The following SEPTIN3 variants were observed in gnomAD, a reference collection of about 807,000 sequenced individuals.
SEPTIN3 encodes the protein neuronal-specific septin-3.
Under a neutral mutation model 45.1 loss-of-function variants are expected in SEPTIN3, and 15 were observed. The ratio of observed to expected loss-of-function variants is 0.33; its 90% CI spans 0.22 to 0.51. The LOEUF (loss-of-function observed/expected upper bound fraction) is 0.51. SEPTIN3 is among the 20% of genes least tolerant of loss of function. SEPTIN3 has a pLI of 0.97. For synonymous variants in SEPTIN3, 148 were observed against 164.8 expected, an observed-to-expected ratio of 0.90 and a Z score of 0.78; for missense variants, 289 against 457.2, an observed-to-expected ratio of 0.63 and a Z score of 3.35.
chr22:41,995,138 T>G (rs1391236141), intron 11 of SEPTIN3: 11 of 1,075,164 alleles, frequency 1.0e-5, no homozygotes, highest in Non-Finnish European at 1.2e-5. Flanking sequence ...CACAGGCAAC[T>G]CTTCTCTCGG....
intron 7 of SEPTIN3, 137 bp downstream of exon 7, chr22:41,989,821 C>A: frequency 1.6e-6 from 1 of 617,910 alleles, no homozygotes; most frequent in East Asian, 2.7e-5. Context: ...CCCCAGCCCC[C>A]TTCTTAACCA....
intron 2 of SEPTIN3, among the ~76,000 whole-genome samples, chr22:41,974,860 GAAAAAAAAAAAA>G (rs55642127): frequency 6.5e-4 from 48 of 74,290 alleles, no homozygotes; most frequent in Non-Finnish European, 9.1e-4. Context: ...GTCTCAAAAA[GAAAAAAAAAAAA>G]AAAAAAAAAA....
intron 3 of SEPTIN3, among the ~76,000 whole-genome samples, chr22:41,985,021 T>A (rs2078182778): frequency 6.6e-6 from 1 of 151,774 alleles, no homozygotes; most frequent in African/African-American, 2.4e-5. Flanking sequence ...CCGGGCTAAT[T>A]TTTTGTATTT....
chr22:41,996,133 C>T (rs976937006), intron 11 of SEPTIN3: 2 of 985,052 alleles, frequency 2.0e-6, no homozygotes, highest in African/African-American at 3.5e-5. Context: ...TTCCCTAATT[C>T]CCTCTCCTCC....
chr22:41,996,370 C>T (rs989343058), intron 11 of SEPTIN3: 2 of 985,604 alleles, frequency 2.0e-6, no homozygotes, highest in Non-Finnish European at 2.4e-6. Flanking sequence ...TAACCTCATA[C>T]AACCTTCTGT....
Position 41,987,644 on chromosome 22 carries a change from A to G in SEPTIN3, c.1930A>G (p.Ile644Val). 3 of 1,612,868 alleles carry G rather than the reference A, an allele frequency of 1.9e-6. No homozygotes were observed. The highest frequency in any genetic ancestry group is 1.3e-5 in the African/African-American group (1 of 75,010). Residue 644 changes from isoleucine (I) to valine (V), a missense_variant, in exon 6 of 12, where the codon ATC becomes GTC. Ile to Val is a conservative substitution (Grantham distance 29, BLOSUM62 3). This residue lies in a region of SEPTIN3 where 200 missense variants were observed against 315.1 expected (regional missense o/e 0.63). Coordinates refer to ENST00000644076, the MANE Select transcript of SEPTIN3 (RefSeq NM_001363845.2). ...CAGCTGGGAGCCCATTGAGAAGTACATCAATGAGCAGTACGAGAAGTTCCT... is the reference window on the plus strand; with the variant it reads ...CAGCTGGGAGCCCATTGAGAAGTACGTCAATGAGCAGTACGAGAAGTTCCT... ...ENCWEPIEKY[I>V]NEQYEKFLKE... is the part of the protein sequence containing the mutation.
At chr22:41,983,155 G>A (rs2078149188) in intron 3 of SEPTIN3, among the ~76,000 whole-genome samples, 1 of 152,204 alleles carries the variant, frequency 6.6e-6, no homozygotes, top group Non-Finnish European at 1.5e-5. Context: ...TGCTGTCAAA[G>A]TGCTGACCTG....
chr22:41,989,130 AAAAAAAAAAAAAAAAAAGAC>A (rs1190538622), intron 6 of SEPTIN3, among the ~76,000 whole-genome samples: 1 of 150,510 alleles, frequency 6.6e-6, no homozygotes, highest in African/African-American at 2.4e-5. Context: ...CTGTCTCAAA[AAAAAAAAAAAAAAAAAAGAC>A]ACACACAGTG....
intron 7 of SEPTIN3, among the ~76,000 whole-genome samples, chr22:41,990,422 G>T (rs1333858686): frequency 6.6e-6 from 1 of 151,666 alleles, no homozygotes. Flanking sequence ...CGATTTGAGA[G>T]AAATGAAAAG....
At chr22:41,982,106 T>C (rs969962015) in intron 3 of SEPTIN3, 5 of 463,714 alleles carry the variant, frequency 1.1e-5, no homozygotes, top group African/African-American at 7.8e-5. Context: ...GATCCTGCTT[T>C]TGGGTTTGTG....
At chr22:41,990,745 C>CAAAAAAAAAAAAAAAAA (rs71184855) in intron 7 of SEPTIN3, among the ~76,000 whole-genome samples, 1 of 96,556 alleles carries the variant, frequency 1.0e-5, no homozygotes, top group African/African-American at 4.7e-5. Flanking sequence ...CACTCTATCT[C>CAAAAAAAAAAAAAAAAA]AAAAAAAAAA....
chr22:41,992,714 G>T lies in SEPTIN3; in HGVS notation c.2310G>T (p.Val770=). 6.2e-7 allele frequency: 1 copy of T among 1,612,708 alleles called. No homozygotes were observed. The highest frequency in any genetic ancestry group is 1.1e-5 in the South Asian group (1 of 90,592). The change falls in exon 9 of 12, where the codon GTG becomes GTT. Residue 770 remains valine (V), a synonymous_variant. Coordinates refer to ENST00000644076, the MANE Select transcript of SEPTIN3 (RefSeq NM_001363845.2). ...TGGGAAGTGACAAGGAGTACCAAGTGAATGGCAAGAGGGTCCTCGGCCGAA... is the reference window on the plus strand; with the variant it reads ...TGGGAAGTGACAAGGAGTACCAAGTTAATGGCAAGAGGGTCCTCGGCCGAA... ...AVVGSDKEYQ[V]NGKRVLGRKT...
chr22:41,995,285 T>G, intron 11 of SEPTIN3: 1 of 990,076 alleles, frequency 1.0e-6, no homozygotes, highest in Non-Finnish European at 1.2e-6. Flanking sequence ...TGGGGCTTCC[T>G]GGGAAAAGGA....
chr22:41,975,674 C>T (rs915268048), intron 2 of SEPTIN3, among the ~76,000 whole-genome samples: 2 of 152,146 alleles, frequency 1.3e-5, no homozygotes, highest in South Asian at 2.1e-4. Context: ...CCTAGAAACC[C>T]GGGTATCCTC....
chr22:41,997,049 C>T lies in SEPTIN3; in HGVS notation c.*82C>T. The T allele has an allele frequency of 1.5e-5, 24 of 1,603,696 alleles. No individual in the cohort carries two copies. The South Asian group carries it at 1.7e-4, about 11-fold the overall frequency. On this transcript the variant is annotated 3_prime_UTR_variant, in exon 12 of 12. Coordinates refer to ENST00000644076, the MANE Select transcript of SEPTIN3 (RefSeq NM_001363845.2). ...GCCAAGCCCTTTTTAGTGCTGTGCTCGTCCAGCTCACCACCACAGCCCCTC... is the reference window on the plus strand; with the variant it reads ...GCCAAGCCCTTTTTAGTGCTGTGCTTGTCCAGCTCACCACCACAGCCCCTC...
chr22:41,974,662 CAA>C (rs532915714), intron 2 of SEPTIN3, among the ~76,000 whole-genome samples: 7 of 73,076 alleles, frequency 9.6e-5, no homozygotes, highest in Non-Finnish European at 8.7e-5. Flanking sequence ...GACTCCGTCT[CAA>C]AAAAAAAAAA....
Position 41,989,631 on chromosome 22 carries a change from A to C in SEPTIN3, c.2110A>C (p.Ile704Leu). 6.2e-7 allele frequency: 1 copy of C among 1,614,092 alleles called. No homozygotes were observed. The highest frequency in any genetic ancestry group is 1.6e-4 in the Middle Eastern group (1 of 6,062). The change falls in exon 7 of 12, where the codon ATT becomes CTT. Residue 704 changes from isoleucine to leucine, a missense_variant. Physicochemically the swap from Ile to Leu is conservative, Grantham distance 5. Transcript: ENST00000644076. ...LSKVVNIIPV[I>L]AKADTMTLEE... ...CAAGGTTGTGAACATCATCCCTGTC[A>C]TTGCTAAGGCTGACACCATGACCCT...
At chr22:41,977,099 G>A in intron 2 of SEPTIN3, 1 of 1,586,644 alleles carries the variant, frequency 6.3e-7, no homozygotes, top group Non-Finnish European at 8.6e-7. Flanking sequence ...CAGGCCACCG[G>A]CACCCGCCAG....
At chr22:41,990,465 G>T (rs1378962209) in intron 7 of SEPTIN3, among the ~76,000 whole-genome samples, 1 of 151,864 alleles carries the variant, frequency 6.6e-6, no homozygotes, top group Non-Finnish European at 1.5e-5. Context: ...TTACAATCCA[G>T]TTGGGCGTGG....
Sources: gnomAD v4.1 joint callset for allele counts (sites outside exome capture counted in the v4.1 genomes callset) on GRCh38, gnomAD v4.1.1 for gene constraint, gnomAD v4.1.1 regional missense constraint, MANE v1.5 for transcripts, NCBI Gene and HGNC (gene_info 2026-07-23, HGNC 2026-07-21) for gene names.